Variants in SLC9A9 observed in about 807,000 individuals in gnomAD.
SLC9A9 encodes the protein solute carrier family 9 member A9.
In SLC9A9, 62 loss-of-function variants were observed where a neutral mutation model predicts 77.8. The observed-to-expected ratio is 0.80, with a 90% CI of 0.65 to 0.98. The LOEUF is 0.98. SLC9A9 is among the 50% of genes least tolerant of loss of function. The probability of loss-of-function intolerance (pLI) is 0.00; values close to 1 mark genes in which losing one functional copy is unlikely to be tolerated. For synonymous variants in SLC9A9, 320 were observed against 283.5 expected, an observed-to-expected ratio of 1.13 and a Z score of -1.29; for missense variants, 775 against 774.9, an observed-to-expected ratio of 1.00 and a Z score of 0.00.
intron 4 of SLC9A9, among the ~76,000 whole-genome samples, chr3:143,791,447 G>T (rs185740762): frequency 1.4e-3 from 220 of 152,286 alleles, no homozygotes; most frequent in Non-Finnish European, 5.6e-4. Context: ...CACCAGTAGA[G>T]TTTCATTCAT....
intron 7 of SLC9A9, among the ~76,000 whole-genome samples, chr3:143,574,733 G>A (rs2037327183): frequency 6.6e-6 from 1 of 151,930 alleles, no homozygotes; most frequent in African/African-American, 2.4e-5. Flanking sequence ...TAAGGAGAAG[G>A]TATGTTATTT....
intron 6 of SLC9A9, among the ~76,000 whole-genome samples, chr3:143,647,459 A>G (rs1560011116): frequency 6.6e-6 from 1 of 152,220 alleles, no homozygotes; most frequent in Non-Finnish European, 1.5e-5. Flanking sequence ...TCACCTGAAG[A>G]AGAATACATA....
At chr3:143,783,714 T>A (rs2007956468) in intron 4 of SLC9A9, among the ~76,000 whole-genome samples, 1 of 152,164 alleles carries the variant, frequency 6.6e-6, no homozygotes, top group Non-Finnish European at 1.5e-5. Flanking sequence ...TAAGATTTAC[T>A]TCTGGGGGTG....
intron 12 of SLC9A9, among the ~76,000 whole-genome samples, chr3:143,445,026 G>A (rs12496742): frequency 0.15 from 22,684 of 152,094 alleles, 1,744 homozygotes; most frequent in Middle Eastern, 0.18. Context: ...GTTTTCCTCT[G>A]CTGTGATCTT....
chr3:143,398,474 T>G (rs1184838906), intron 12 of SLC9A9, among the ~76,000 whole-genome samples: 1 of 151,314 alleles, frequency 6.6e-6, no homozygotes, highest in African/African-American at 2.4e-5. Flanking sequence ...AGCCAATATG[T>G]AGAATCTACA....
chr3:143,376,889 A>G (rs916985140), intron 13 of SLC9A9, among the ~76,000 whole-genome samples: 1 of 152,222 alleles, frequency 6.6e-6, no homozygotes, highest in Admixed American at 6.5e-5. Flanking sequence ...GTCACATCAA[A>G]TTTTGAGACT....
intron 6 of SLC9A9, among the ~76,000 whole-genome samples, chr3:143,587,441 T>C (rs2037561662): frequency 6.6e-6 from 1 of 152,004 alleles, no homozygotes; most frequent in Non-Finnish European, 1.5e-5. Context: ...TTAAGTGGAG[T>C]CCTGAATGAA....
At chr3:143,629,072 T>TAG (rs1242036210) in intron 6 of SLC9A9, among the ~76,000 whole-genome samples, 1 of 152,246 alleles carries the variant, frequency 6.6e-6, no homozygotes. Flanking sequence ...CATCTGCATG[T>TAG]AGAGAAGTTA....
rs147653208 is a variant in SLC9A9, at chr3:143,530,464, C to T, written c.1089+21898G>A. On this transcript the variant is annotated intron_variant, in intron 9 of 15. Coordinates refer to ENST00000316549, the MANE Select transcript of SLC9A9 (RefSeq NM_173653.4). ...GCCTTCTGCCATGATTGTGAGGCCT[C>T]CCTAGCCACGCAGAGCTGTGAGTCC... is the stretch of plus-strand genomic sequence containing the variant. Among the ~76,000 whole-genome samples the T allele has an allele frequency of 2.3e-3, 353 of 152,282 alleles. 2 individuals carry two copies. The highest frequency in any genetic ancestry group is 8.2e-3 in the African/African-American group (339 of 41,564).
intron 13 of SLC9A9, among the ~76,000 whole-genome samples, chr3:143,368,192 G>A (rs1272137586): frequency 6.6e-6 from 1 of 152,130 alleles, no homozygotes; most frequent in Non-Finnish European, 1.5e-5. Context: ...TGACAGAATA[G>A]CAGGCAGTGG....
chr3:143,720,579 T>C (rs1934471080), intron 4 of SLC9A9, among the ~76,000 whole-genome samples: 1 of 152,226 alleles, frequency 6.6e-6, no homozygotes, highest in Non-Finnish European at 1.5e-5. Context: ...CTTCCCAGTA[T>C]AAGCCTCCTT....
At chr3:143,610,187 C>T (rs913118984) in intron 6 of SLC9A9, among the ~76,000 whole-genome samples, 2 of 151,978 alleles carry the variant, frequency 1.3e-5, no homozygotes, top group Non-Finnish European at 2.9e-5. Context: ...CTCTCTCTGT[C>T]ACCCAGCCTG....
chr3:143,344,237 G>A (rs2032192900), intron 14 of SLC9A9, among the ~76,000 whole-genome samples: 1 of 152,136 alleles, frequency 6.6e-6, no homozygotes, highest in Non-Finnish European at 1.5e-5. Context: ...GGGTGCAAGA[G>A]TTTATTTGCA....
intron 13 of SLC9A9, among the ~76,000 whole-genome samples, chr3:143,363,959 G>A (rs1325072633): frequency 6.6e-6 from 1 of 152,114 alleles, no homozygotes; most frequent in East Asian, 1.9e-4. Context: ...AGTCTAATAA[G>A]TGTTATGCTA....
intron 14 of SLC9A9, among the ~76,000 whole-genome samples, chr3:143,335,634 T>C (rs946995567): frequency 6.6e-6 from 1 of 152,118 alleles, no homozygotes; most frequent in African/African-American, 2.4e-5. Flanking sequence ...CAAATGATCT[T>C]TGATGAGTCA....
intron 14 of SLC9A9, among the ~76,000 whole-genome samples, chr3:143,295,718 T>C (rs2030236876): frequency 6.6e-6 from 1 of 152,130 alleles, no homozygotes; most frequent in Non-Finnish European, 1.5e-5. Context: ...TTGTAGGTCA[T>C]TTCTCCCTTC....
intron 2 of SLC9A9, among the ~76,000 whole-genome samples, chr3:143,823,346 C>T (rs577121732): frequency 8.5e-5 from 13 of 152,106 alleles, no homozygotes; most frequent in Non-Finnish European, 1.5e-4. Flanking sequence ...GACTGCAGAC[C>T]TATGAGACAA....
chr3:143,394,214 G>A (rs2033642438), intron 12 of SLC9A9, among the ~76,000 whole-genome samples: 1 of 152,134 alleles, frequency 6.6e-6, no homozygotes, highest in Non-Finnish European at 1.5e-5. Context: ...TAAAATACTG[G>A]CAAACTGAAT....
chr3:143,689,708 C>A (rs529795319), intron 5 of SLC9A9, among the ~76,000 whole-genome samples: 2 of 152,126 alleles, frequency 1.3e-5, no homozygotes, highest in South Asian at 4.2e-4. Context: ...CTGTTCCCAG[C>A]TGAGAAAGAT....
Sources: allele counts gnomAD v4.1 joint callset (sites outside exome capture counted in the v4.1 genomes callset), GRCh38; gene constraint gnomAD v4.1.1; transcripts MANE v1.5; gene names NCBI Gene and HGNC (gene_info 2026-07-23, HGNC 2026-07-21).